The following PLEC variants were observed in gnomAD, a reference collection of about 807,000 sequenced individuals.
PLEC encodes plectin.
Under a neutral mutation model 392.8 loss-of-function variants are expected in PLEC, and 216 were observed. The observed-to-expected ratio is 0.55, with a 90% CI of 0.49 to 0.62. PLEC has a LOEUF of 0.62. Ranked by LOEUF, PLEC falls within the 20% of genes least tolerant of loss-of-function variation. PLEC has a pLI of 0.00. For synonymous variants in PLEC, 3,621 were observed against 2,980.6 expected, an observed-to-expected ratio of 1.21 and a Z score of -7.00; for missense variants, 6,863 against 6,563.4, an observed-to-expected ratio of 1.05 and a Z score of -1.58.
In PLEC at chr8:143,927,409, CCTGCTCCTGCCGCAG is replaced by C; in HGVS notation, c.3742_3756del (p.Leu1248_Gln1252del). On this transcript the variant is annotated inframe_deletion and splice_region_variant, in exon 27 of 32. Coordinates refer to ENST00000345136, the MANE Select transcript of PLEC (RefSeq NM_201384.3). ...CCCCGTCCCCACCGACCCAAGCCCA[CCTGCTCCTGCCGCAG>C]CTGCTCCCGCACAGCCTGGCTGTCG... 6.2e-7 allele frequency: 1 copy of C among 1,605,552 alleles called. No homozygotes were observed. Among genetic ancestry groups the C allele is most frequent in the Non-Finnish European group, 8.5e-7 (1 of 1,179,304 alleles).
upstream of PLEC, among the ~76,000 whole-genome samples, chr8:143,973,962 A>C (rs1027167044): frequency 3.3e-5 from 5 of 152,238 alleles, no homozygotes; most frequent in Non-Finnish European, 7.3e-5. The surrounding 1 kb of genome is among the most constrained non-coding windows in gnomAD (Gnocchi z 5.6). Flanking sequence ...AAAATTAAGT[A>C]CACATACGAG....
chr8:143,975,473 T>C, upstream of PLEC: 3 of 1,005,612 alleles, frequency 3.0e-6, no homozygotes, highest in Admixed American at 5.8e-5. This position sits in a 1 kb window ranked among gnomAD's most constrained non-coding sequence, Gnocchi z 9.9. Flanking sequence ...CACTGAACTC[T>C]CCCCACCCAG....
At chr8:143,943,347 G>T (rs1385433988), upstream of PLEC, among the ~76,000 whole-genome samples, 6 of 152,212 alleles carry the variant, frequency 3.9e-5, no homozygotes, top group East Asian at 9.6e-4. Context: ...CAGCCTGGCT[G>T]CCCCCGCCCC....
rs782440209 is a variant in PLEC, at chr8:143,916,436, C to A, written c.13385G>T (p.Arg4462Leu). The change falls in exon 32 of 32, where the codon CGG becomes CTG. Residue 4462 changes from arginine (R) to leucine (L), a missense_variant. By Grantham distance (102) the Arg-to-Leu change is moderately radical. Coordinates refer to ENST00000345136, the MANE Select transcript of PLEC (RefSeq NM_201384.3). The part of the protein sequence containing the change: ...RSMVEEGTGL[R>L]LLEAAAQSTK... ...GGACTGCGCGGCAGCCTCCAGCAGC[C>A]GCAGCCCCGTGCCCTCCTCCACCAT... The A allele has an allele frequency of 2.5e-6, 4 of 1,611,790 alleles. No individual in the cohort carries two copies. The highest frequency in any genetic ancestry group is 3.4e-6 in the Non-Finnish European group (4 of 1,179,470).
chr8:143,940,549 C>G (rs1440489437), upstream of PLEC, among the ~76,000 whole-genome samples: 1 of 152,180 alleles, frequency 6.6e-6, no homozygotes, highest in Non-Finnish European at 1.5e-5. Flanking sequence ...GCCTCCGGCT[C>G]CCTGGGGTCC....
chr8:143,933,455 G>A (rs1024706842), intron 12 of PLEC, 104 bp from the exon 13 acceptor site: 37 of 1,348,948 alleles, frequency 2.7e-5, no homozygotes, highest in Non-Finnish European at 3.7e-5. Flanking sequence ...AGCCTCAGTG[G>A]GCCACTGCCT....
At chr8:143,930,667 G>A in intron 19 of PLEC, 131 bp from the exon 20 acceptor site, 4 of 965,840 alleles carry the variant, frequency 4.1e-6, no homozygotes, top group Non-Finnish European at 6.2e-6. Context: ...TTGGAAGCAG[G>A]AGGTATAGCT....
intron 30 of PLEC, among the ~76,000 whole-genome samples, chr8:143,926,158 A>C (rs1289845659): frequency 6.6e-6 from 1 of 151,976 alleles, no homozygotes; most frequent in Non-Finnish European, 1.5e-5. Flanking sequence ...ACGGACGGGG[A>C]GAGAGAGAGC....
At chr8:143,953,259 C>T (rs1426083202), upstream of PLEC, among the ~76,000 whole-genome samples, 1 of 144,486 alleles carries the variant, frequency 6.9e-6, no homozygotes, top group Non-Finnish European at 1.5e-5. Flanking sequence ...CCAGCCCCCC[C>T]ACCCCACCCC....
chr8:143,938,298 A>G lies in PLEC; in HGVS notation c.175-58T>C, dbSNP rs11136338. The G allele has an allele frequency of 0.37, 567,356 of 1,538,260 alleles. 109,484 individuals carry two copies. Among genetic ancestry groups the G allele is most frequent in the Non-Finnish European group, 0.4 (451,841 of 1,140,288 alleles). On this transcript the variant is annotated intron_variant, in intron 2 of 31. Transcript: ENST00000345136. Reference sequence around the variant, plus strand: ...CCCCCAGAGCCACCAATAGGCCCTGAGTGGCTGATCTACAGAGTGGGTGCT... The same window carrying G: ...CCCCCAGAGCCACCAATAGGCCCTGGGTGGCTGATCTACAGAGTGGGTGCT...
Position 143,929,491 on chromosome 8 carries a change from G to T in PLEC, c.3004C>A (p.Arg1002Ser). 1 of 1,609,780 alleles carries T rather than the reference G, an allele frequency of 6.2e-7. No homozygotes were observed. ...GGCAGCCGCAGGCGGTGCACGGTGC[G>T]CGTCTCACAGGCCTCCAGCTGCAGC... ...IRLQLEACET[R>S]TVHRLRLPLD... is the part of the protein sequence containing the mutation. The change falls in exon 24 of 32, where the codon CGC becomes AGC. Residue 1002 changes from arginine to serine, a missense_variant. By Grantham distance (110) the Arg-to-Ser change is moderately radical. Coordinates refer to ENST00000345136, the MANE Select transcript of PLEC (RefSeq NM_201384.3).
chr8:143,919,209 A>G lies in PLEC; in HGVS notation c.10612T>C (p.Leu3538=), dbSNP rs6992333. 698,799 of 1,613,426 alleles carry G rather than the reference A, an allele frequency of 0.43. 160,755 individuals are homozygous for G. Among genetic ancestry groups the G allele is most frequent in the African/African-American group, 0.84 (63,116 of 74,992 alleles). The change falls in exon 32 of 32, where the codon TTG becomes CTG. Residue 3538 remains leucine, a synonymous_variant. Transcript: ENST00000345136. ...ERCVEDPETG[L]RLLPLKGAEK... The stretch of plus-strand genomic sequence containing the variant: ...GCCCCTTTCAGTGGCAGAAGGCGCA[A>G]GCCCGTCTCGGGGTCCTCCACGCAC...
chr8:143,918,696 C>A lies in PLEC; in HGVS notation c.11125G>T (p.Ala3709Ser). The A allele has an allele frequency of 6.2e-7, 1 of 1,612,942 alleles. No homozygotes were observed. Among genetic ancestry groups the A allele is most frequent in the Non-Finnish European group, 8.5e-7 (1 of 1,179,984 alleles). Residue 3709 changes from alanine (A) to serine (S), a missense_variant, in exon 32 of 32, where the codon GCT becomes TCT. By Grantham distance (99) the Ala-to-Ser change is moderately conservative. Coordinates refer to ENST00000345136, the MANE Select transcript of PLEC (RefSeq NM_201384.3). ...GCACTCAGCAGCCCTTTCTTGAGAG[C>A]CTGGTAGATGCTCAGTGTCTGCCTG... ...GSRQTLSIYQ[A>S]LKKGLLSAEV...
rs1306586203 is a variant in PLEC at position 143,927,865 on chromosome 8, C to A, written c.3388G>T (p.Ala1130Ser). 3.1e-6 allele frequency: 5 copies of A among 1,590,380 alleles called. No individual in the cohort carries two copies. Among genetic ancestry groups the A allele is most frequent in the Non-Finnish European group, 4.3e-6 (5 of 1,169,110 alleles). ...ATLPELEATK[A>S]SLKKLRAQAE... Reference sequence around the variant, plus strand: ...CCTCGAAACGATACCTTCAGAGAGGCCTTGGTGGCCTCGAGCTCCGGGAGG... The same window carrying A: ...CCTCGAAACGATACCTTCAGAGAGGACTTGGTGGCCTCGAGCTCCGGGAGG... The change falls in exon 26 of 32, where the codon GCC becomes TCC. Residue 1130 changes from alanine to serine, a missense_variant. Physicochemically the swap from Ala to Ser is moderately conservative, Grantham distance 99. Coordinates refer to ENST00000345136, the MANE Select transcript of PLEC (RefSeq NM_201384.3).
Position 143,939,523 on chromosome 8 carries a change from C to A in PLEC, c.-62G>T. The A allele has an allele frequency of 6.4e-7, 1 of 1,561,792 alleles. No individual in the cohort carries two copies. Among genetic ancestry groups the A allele is most frequent in the Non-Finnish European group, 8.7e-7 (1 of 1,154,918 alleles). On this transcript the variant is annotated 5_prime_UTR_variant, in exon 1 of 32. Coordinates refer to ENST00000345136, the MANE Select transcript of PLEC (RefSeq NM_201384.3). ...TCAGGCACGGTGCTCTGGGCAGCCC[C>A]GTGTGGCACACAGGCAGCTGAAGGC...
chr8:143,940,231 G>A (rs1349474850), upstream of PLEC, among the ~76,000 whole-genome samples: 2 of 152,162 alleles, frequency 1.3e-5, no homozygotes, highest in African/African-American at 4.8e-5. Flanking sequence ...TCCTGGAGCA[G>A]TGCCCACCTG....
Position 143,920,753 on chromosome 8 carries a change from G to T in PLEC, c.9068C>A (p.Ala3023Asp). The change falls in exon 32 of 32, where the codon GCC (alanine) becomes GAC (aspartate). Residue 3023 changes from alanine to aspartate, a missense_variant. Coordinates refer to ENST00000345136, the MANE Select transcript of PLEC (RefSeq NM_201384.3). ...CAGCCATACACCCGCGATGACGTTG[G>T]CACCCCGGAGAGCCCGCCGCACAGT... The part of the protein sequence containing the change: ...VDTVRRALRG[A>D]NVIAGVWLEE... 2 of 1,605,408 alleles carry T rather than the reference G, an allele frequency of 1.2e-6. No homozygotes were observed.
Position 143,920,189 on chromosome 8 carries a change from G to T in PLEC, c.9632C>A (p.Pro3211Gln). ...PDQLTGLSLL[P>Q]LSEKAARARQ... Reference sequence around the variant, plus strand: ...GGCCCGAGCAGCCTTTTCTGAGAGCGGCAGCAGGCTCAGCCCGGTCAGCTG... The same window carrying T: ...GGCCCGAGCAGCCTTTTCTGAGAGCTGCAGCAGGCTCAGCCCGGTCAGCTG... The change falls in exon 32 of 32, where the codon CCG becomes CAG. Residue 3211 changes from proline to glutamine, a missense_variant. Coordinates refer to ENST00000345136, the MANE Select transcript of PLEC (RefSeq NM_201384.3). 6.2e-7 allele frequency: 1 copy of T among 1,611,228 alleles called. No individual in the cohort carries two copies.
chr8:143,926,975 A>T lies in PLEC; in HGVS notation c.3945+2T>A, dbSNP rs781866142. 6.2e-7 allele frequency: 1 copy of T among 1,612,160 alleles called. No homozygotes were observed. Among genetic ancestry groups the T allele is most frequent in the Non-Finnish European group, 8.5e-7 (1 of 1,179,262 alleles). ...ACCCAGTTAGGTTCGGCCCCACCCT[A>T]CCTCCTGGATGACACTCTCTGATCC... On this transcript the variant is annotated splice_donor_variant, in intron 29 of 31. Coordinates refer to ENST00000345136, the MANE Select transcript of PLEC (RefSeq NM_201384.3). LOFTEE classifies it high-confidence loss of function.
Sources: gnomAD v4.1 joint callset for allele counts (sites outside exome capture counted in the v4.1 genomes callset) on GRCh38, gnomAD v4.1.1 for gene constraint, Gnocchi (gnomAD v3.1) non-coding constraint, MANE v1.5 for transcripts, NCBI Gene and HGNC (gene_info 2026-07-23, HGNC 2026-07-21) for gene names.